The following EPHB1 variants were observed in gnomAD, a reference collection of about 807,000 sequenced individuals.
EPHB1 encodes ephrin type-B receptor 1.
A neutral mutation model predicts 94.4 loss-of-function variants in EPHB1; 30 were observed. The ratio of observed to expected loss-of-function variants is 0.32; its 90% CI spans 0.24 to 0.43. The LOEUF is 0.43. Among genes scored for constraint, EPHB1 ranks in the 20% least tolerant of loss-of-function variants. The pLI is 1.00. For missense variants in EPHB1, 1,055 were observed against 1,308.3 expected, an observed-to-expected ratio of 0.81 and a Z score of 2.99; for synonymous variants, 522 against 489.1, an observed-to-expected ratio of 1.07 and a Z score of -0.89.
At chr3:135,043,572 G>A (rs939529561) in intron 3 of EPHB1, among the ~76,000 whole-genome samples, 8 of 152,126 alleles carry the variant, frequency 5.3e-5, no homozygotes, top group African/African-American at 1.9e-4. Context: ...CTATCAAGGA[G>A]CAGGCCTCAC....
intron 4 of EPHB1, among the ~76,000 whole-genome samples, chr3:135,115,470 C>T (rs973965342): frequency 6.6e-6 from 1 of 152,218 alleles, no homozygotes; most frequent in Non-Finnish European, 1.5e-5. Flanking sequence ...AGGAGGAGGC[C>T]TTGCTTTGCG....
intron 1 of EPHB1, among the ~76,000 whole-genome samples, chr3:134,863,960 TG>T (rs1363431533): frequency 6.6e-6 from 1 of 152,168 alleles, no homozygotes; most frequent in African/African-American, 2.4e-5. Context: ...AGGCTGGTGA[TG>T]GTGGGGTTCA....
chr3:135,205,726 T>C (rs187306779), intron 12 of EPHB1, among the ~76,000 whole-genome samples: 27 of 152,342 alleles, frequency 1.8e-4, no homozygotes, highest in Admixed American at 1.2e-3. Context: ...CTTTATCATG[T>C]AACTATCCGT....
intron 2 of EPHB1, among the ~76,000 whole-genome samples, chr3:134,930,075 C>T (rs55692122): frequency 0.019 from 2,946 of 152,246 alleles, 53 homozygotes; most frequent in South Asian, 0.035. Context: ...GCCAGGGGCC[C>T]AGCTGGCATT....
intron 2 of EPHB1, among the ~76,000 whole-genome samples, chr3:134,934,430 G>A (rs370289036): frequency 1.1e-4 from 17 of 152,206 alleles, no homozygotes; most frequent in Admixed American, 5.9e-4. Flanking sequence ...CTCCAGGGCC[G>A]TGCGTGGGTG....
chr3:135,077,558 G>T (rs1278081572), intron 3 of EPHB1, among the ~76,000 whole-genome samples: 1 of 152,218 alleles, frequency 6.6e-6, no homozygotes, highest in Non-Finnish European at 1.5e-5. Flanking sequence ...TTGGGAGATG[G>T]TCTCAAACCT....
rs151097716 is a variant in EPHB1, at chr3:135,149,518, T to C, written c.1298-4634T>C. Among the ~76,000 whole-genome samples the C allele has an allele frequency of 8.2e-4, 125 of 152,350 alleles. 3 individuals are homozygous for C. The East Asian group carries it at 0.023, about 28-fold the overall frequency. ...GAGTGAATACCAGAGCTCATTCTTA[T>C]TATTTTCTGTTTTGTCCGAAAGTTT... On this transcript the variant is annotated intron_variant, in intron 5 of 15. Transcript: ENST00000398015.
chr3:135,094,577 C>T (rs533114366), intron 3 of EPHB1, among the ~76,000 whole-genome samples: 16 of 152,316 alleles, frequency 1.1e-4, no homozygotes, highest in Admixed American at 7.2e-4. Flanking sequence ...GCCCCTGCTT[C>T]CTGGGTGACC....
At chr3:134,981,147 C>A (rs1399744484) in intron 3 of EPHB1, among the ~76,000 whole-genome samples, 1 of 152,140 alleles carries the variant, frequency 6.6e-6, no homozygotes, top group African/African-American at 2.4e-5. Flanking sequence ...AAAGGTAGCC[C>A]CAAATAACCT....
At chr3:135,191,074 CA>C in intron 10 of EPHB1, among the ~76,000 whole-genome samples, 1 of 132,102 alleles carries the variant, frequency 7.6e-6, no homozygotes, top group East Asian at 2.2e-4. Context: ...GACCCTGTCT[CA>C]AAAAACAAAA....
chr3:135,004,344 T>G lies in EPHB1; in HGVS notation c.805+52292T>G, dbSNP rs1432597849. 3.0e-3 allele frequency among the ~76,000 whole-genome samples: 452 copies of G among 150,976 alleles called. 2 individuals are homozygous for G. Among genetic ancestry groups the G allele is most frequent in the African/African-American group, 0.01 (414 of 40,464 alleles). The stretch of plus-strand genomic sequence containing the variant: ...GAGAGATCTGCTGTTAGTCTGATGG[T>G]CTTCCCTTTGAGGGTAACCCGACCT... On this transcript the variant is annotated intron_variant, in intron 3 of 15. Coordinates refer to ENST00000398015, the MANE Select transcript of EPHB1 (RefSeq NM_004441.5).
chr3:134,976,409 T>C (rs1934194523), intron 3 of EPHB1, among the ~76,000 whole-genome samples: 1 of 152,236 alleles, frequency 6.6e-6, no homozygotes, highest in African/African-American at 2.4e-5. Context: ...CACCAGGAAG[T>C]TGAAAGGTGA....
intron 2 of EPHB1, among the ~76,000 whole-genome samples, chr3:134,938,906 G>C (rs1442606859): frequency 6.6e-6 from 1 of 152,164 alleles, no homozygotes; most frequent in Non-Finnish European, 1.5e-5. Context: ...CAGAGCCTAT[G>C]AACTTACCCC....
At chr3:134,904,340 G>A (rs2038271519) in intron 1 of EPHB1, among the ~76,000 whole-genome samples, 1 of 152,186 alleles carries the variant, frequency 6.6e-6, no homozygotes, top group Non-Finnish European at 1.5e-5. Flanking sequence ...TTAATTCTCT[G>A]TTCAAAATAT....
chr3:135,141,350 G>T (rs1169206934), intron 5 of EPHB1, among the ~76,000 whole-genome samples: 1 of 151,972 alleles, frequency 6.6e-6, no homozygotes, highest in East Asian at 1.9e-4. Context: ...TTGTTTATGT[G>T]CTTAGGCTCT....
intron 2 of EPHB1, among the ~76,000 whole-genome samples, chr3:134,928,949 T>C (rs1324936436): frequency 6.6e-6 from 1 of 152,134 alleles, no homozygotes; most frequent in African/African-American, 2.4e-5. Flanking sequence ...GTTAAACATT[T>C]CCACTGGGTT....
chr3:135,021,443 TA>T (rs1559797948), intron 3 of EPHB1, among the ~76,000 whole-genome samples: 1 of 152,184 alleles, frequency 6.6e-6, no homozygotes, highest in African/African-American at 2.4e-5. Context: ...TGATTTTTTT[TA>T]TTGCTATTGT....
At chr3:135,154,427 G>T (rs1941291066) in intron 6 of EPHB1, 151 bp downstream of exon 6, 11 of 1,109,528 alleles carry the variant, frequency 9.9e-6, no homozygotes, top group Admixed American at 2.7e-5. Flanking sequence ...AGTTCTCCAG[G>T]TCTGCCCTGA....
intron 4 of EPHB1, among the ~76,000 whole-genome samples, chr3:135,125,148 A>G (rs1019951792): frequency 1.3e-5 from 2 of 151,606 alleles, no homozygotes; most frequent in Non-Finnish European, 2.9e-5. Context: ...CCTTTAAATT[A>G]CTTACCAGTC....
Sources: gnomAD v4.1 joint callset for allele counts (sites outside exome capture counted in the v4.1 genomes callset) on GRCh38, gnomAD v4.1.1 for gene constraint, MANE v1.5 for transcripts, NCBI Gene and HGNC (gene_info 2026-07-23, HGNC 2026-07-21) for gene names.